ZSWIM8: variants seen among roughly 807,000 people sequenced by gnomAD.
The protein encoded by ZSWIM8 is zinc finger SWIM-type containing 8, also known as zinc finger SWIM domain-containing protein 8.
In ZSWIM8, 27 loss-of-function variants were observed where a neutral mutation model predicts 173.7. That is an observed-to-expected ratio of 0.16 (90% CI 0.11 to 0.21). The LOEUF (loss-of-function observed/expected upper bound fraction) is 0.21. ZSWIM8 is among the 10% of genes least tolerant of loss of function. The pLI is 1.00. For synonymous variants in ZSWIM8, 958 were observed against 962.0 expected (o/e 1.00, Z 0.08); for missense variants, 1,627 against 2,428.8 (o/e 0.67, Z 6.94).
At position 73,800,134 on chromosome 10, in the gene ZSWIM8, A is replaced by G. The variant is rs763108939; in HGVS notation, c.4789A>G (p.Thr1597Ala). The change falls in exon 22 of 26, where the codon ACA (threonine) becomes GCA (alanine). Residue 1597 changes from threonine (T) to alanine (A), a missense_variant. Coordinates refer to ENST00000604729, the MANE Select transcript of ZSWIM8 (RefSeq NM_001367799.1). The surrounding 1 kb of genome is among the most constrained non-coding windows in gnomAD (Gnocchi z 4.1). ...MAPITVHPYH[T>A]EPGLPLPTSV... ...ACCCATCACAGTACATCCCTACCAC[A>G]CAGAGCCAGGGCTTCCACTGCCCAC... 32 of 1,613,438 alleles carry G rather than the reference A, an allele frequency of 2.0e-5. No homozygotes were observed. The highest frequency in any genetic ancestry group is 2.7e-5 in the Non-Finnish European group (32 of 1,179,784).
chr10:73,801,309 C>T lies in ZSWIM8; in HGVS notation c.5302-7C>T, dbSNP rs1188677778. ...CTAAGGCTCATCCTGCACACATCCT[C>T]CTCCAGTACATCCACCACCGCTTGA... On this transcript the variant is annotated splice_region_variant and splice_polypyrimidine_tract_variant and intron_variant, in intron 25 of 25. Coordinates refer to ENST00000604729, the MANE Select transcript of ZSWIM8 (RefSeq NM_001367799.1). The surrounding 1 kb of genome is among the most constrained non-coding windows in gnomAD (Gnocchi z 4.9). 1.2e-6 allele frequency: 2 copies of T among 1,613,554 alleles called. No homozygotes were observed.
Position 73,801,236 on chromosome 10 carries a change from G to C in ZSWIM8, c.5301+41G>C. On this transcript the variant is annotated intron_variant, in intron 25 of 25. Coordinates refer to ENST00000604729, the MANE Select transcript of ZSWIM8 (RefSeq NM_001367799.1). The surrounding 1 kb of genome is among the most constrained non-coding windows in gnomAD (Gnocchi z 4.9). ...TATGGAGCAGGGTGGAGCACTTCCT[G>C]GGTGGTCTTGGACCAGAGGGAGGCA... 1 of 1,602,170 alleles carries C rather than the reference G, an allele frequency of 6.2e-7. No individual in the cohort carries two copies. The highest frequency in any genetic ancestry group is 1.1e-5 in the South Asian group (1 of 89,858).
rs764733695 is a variant in ZSWIM8, at chr10:73,792,356, G to A, written c.1817G>A (p.Arg606Gln). The A allele has an allele frequency of 8.1e-6, 13 of 1,611,232 alleles. No homozygotes were observed. Among genetic ancestry groups the A allele is most frequent in the Non-Finnish European group, 1.1e-5 (13 of 1,178,744 alleles). Residue 606 changes from arginine (R) to glutamine (Q), a missense_variant, in exon 10 of 26, where the codon CGG (arginine) becomes CAG (glutamine). Physicochemically the swap from Arg to Gln is conservative, Grantham distance 43. Coordinates refer to ENST00000604729, the MANE Select transcript of ZSWIM8 (RefSeq NM_001367799.1). This position sits in a 1 kb window ranked among gnomAD's most constrained non-coding sequence, Gnocchi z 4.3. ...TCAGCAGGTGGCGGAAGCAAGCGACGGCTGAGCAGCGAAGACAGCTCCCTG... is the reference window on the plus strand; with the variant it reads ...TCAGCAGGTGGCGGAAGCAAGCGACAGCTGAGCAGCGAAGACAGCTCCCTG... ...KGSAGGGSKR[R>Q]LSSEDSSLEP...
chr10:73,794,111 C>T (rs749354038), intron 12 of ZSWIM8, 36 bp from the exon 13 acceptor site: 1 of 1,611,994 alleles, frequency 6.2e-7, no homozygotes, highest in Non-Finnish European at 8.5e-7. Flanking sequence ...TCTCTATTGA[C>T]ACACCAGAGG....
rs1381180896 is a variant in ZSWIM8, at chr10:73,800,823, C to T, written c.5122+64C>T. 1 of 1,292,542 alleles carries T rather than the reference C, an allele frequency of 7.7e-7. No homozygotes were observed. Among genetic ancestry groups the T allele is most frequent in the Admixed American group, 2.1e-5 (1 of 46,744 alleles). The allele number at this position is 1,292,542 out of a possible 1,614,324, so 80.1% of individuals were successfully genotyped here. On this transcript the variant is annotated intron_variant, in intron 24 of 25. Coordinates refer to ENST00000604729, the MANE Select transcript of ZSWIM8 (RefSeq NM_001367799.1). The surrounding 1 kb of genome is among the most constrained non-coding windows in gnomAD (Gnocchi z 4.1). ...ACCTGCTCTCCCCACCTTCCTTATC[C>T]CAGACCTCCTTCCTAGCTCTTGCTC... is the stretch of plus-strand genomic sequence containing the variant.
chr10:73,800,416 A>G lies in ZSWIM8; in HGVS notation c.4946A>G (p.His1649Arg), dbSNP rs1438106165. Reference protein sequence around the residue: ...GGFPPPEEETHSQPVNPHSLH... With the variant: ...GGFPPPEEETRSQPVNPHSLH... ...TTTCCACCGCCCGAGGAGGAGACAC[A>G]CAGTCAGCCAGTCAATCCCCACAGC... Residue 1649 changes from histidine to arginine, a missense_variant, in exon 23 of 26, where the codon CAC (histidine) becomes CGC (arginine). By Grantham distance (29) the His-to-Arg change is conservative. Coordinates refer to ENST00000604729, the MANE Select transcript of ZSWIM8 (RefSeq NM_001367799.1). The surrounding 1 kb of genome is among the most constrained non-coding windows in gnomAD (Gnocchi z 4.1). 3.1e-6 allele frequency: 5 copies of G among 1,613,690 alleles called. No homozygotes were observed. The South Asian group carries it at 3.3e-5, about 11-fold the overall frequency.
At position 73,789,250 on chromosome 10, in the gene ZSWIM8, G is replaced by A. The variant is rs1311102967; in HGVS notation, c.457+60G>A. ...CTCCTCCCATCCCCTGGCTTATGAA[G>A]TAAGAACACACCGCAAGAAGCTGGA... On this transcript the variant is annotated intron_variant, in intron 3 of 25. Transcript: ENST00000604729. The surrounding 1 kb of genome is among the most constrained non-coding windows in gnomAD (Gnocchi z 6.8). 4 of 1,610,080 alleles carry A rather than the reference G, an allele frequency of 2.5e-6. No homozygotes were observed. The highest frequency in any genetic ancestry group is 3.4e-6 in the Non-Finnish European group (4 of 1,176,898).
chr10:73,789,252 A>G lies in ZSWIM8; in HGVS notation c.457+62A>G. 5 of 1,609,672 alleles carry G rather than the reference A, an allele frequency of 3.1e-6. No individual in the cohort carries two copies. Among genetic ancestry groups the G allele is most frequent in the Non-Finnish European group, 4.3e-6 (5 of 1,176,452 alleles). Reference sequence around the variant, plus strand: ...CCTCCCATCCCCTGGCTTATGAAGTAAGAACACACCGCAAGAAGCTGGAGC... The same window carrying G: ...CCTCCCATCCCCTGGCTTATGAAGTGAGAACACACCGCAAGAAGCTGGAGC... On this transcript the variant is annotated intron_variant, in intron 3 of 25. Coordinates refer to ENST00000604729, the MANE Select transcript of ZSWIM8 (RefSeq NM_001367799.1). This position sits in a 1 kb window ranked among gnomAD's most constrained non-coding sequence, Gnocchi z 6.8.
In ZSWIM8 at chr10:73,786,089, G is replaced by T. The variant is rs1294526030; in HGVS notation, c.208+3G>T. ...CAGTGGCGGTACCAGAATGCGAGGTGAGAGTGAGCTGGGGGGAAGAGGAGC... is the reference window on the plus strand; with the variant it reads ...CAGTGGCGGTACCAGAATGCGAGGTTAGAGTGAGCTGGGGGGAAGAGGAGC... On this transcript the variant is annotated splice_donor_region_variant and intron_variant, in intron 1 of 25. Coordinates refer to ENST00000604729, the MANE Select transcript of ZSWIM8 (RefSeq NM_001367799.1). The T allele has an allele frequency of 3.2e-6, 5 of 1,564,044 alleles. No homozygotes were observed. The highest frequency in any genetic ancestry group is 4.3e-6 in the Non-Finnish European group (5 of 1,152,864).
intron 15 of ZSWIM8, among the ~76,000 whole-genome samples, chr10:73,796,166 T>C (rs893087827): frequency 5.3e-5 from 8 of 151,082 alleles, no homozygotes; most frequent in Non-Finnish European, 1.0e-4. Flanking sequence ...CTGGCCAACA[T>C]AGTGAGACCC....
rs1385464101 is a variant in ZSWIM8, at chr10:73,791,415, C to T, written c.1235C>T (p.Ala412Val). ...CGTAGCAACGGGCAGTCAGAGGTGG[C>T]AGCCCATGCCTGTGCCAGCATGTGT... is the stretch of plus-strand genomic sequence containing the variant. ...TGRSNGQSEV[A>V]AHACASMCDE... The change falls in exon 9 of 26, where the codon GCA becomes GTA. Residue 412 changes from alanine (A) to valine (V), a missense_variant. By Grantham distance (64) the Ala-to-Val change is moderately conservative (BLOSUM62 0). This residue lies in a region of ZSWIM8 where 103 missense variants were observed against 155.6 expected (regional missense o/e 0.66). Transcript: ENST00000604729. This position sits in a 1 kb window ranked among gnomAD's most constrained non-coding sequence, Gnocchi z 6.0. The T allele has an allele frequency of 1.2e-6, 2 of 1,613,940 alleles. No homozygotes were observed. Among genetic ancestry groups the T allele is most frequent in the Non-Finnish European group, 1.7e-6 (2 of 1,179,818 alleles).
rs759110314 is a variant in ZSWIM8 at position 73,788,628 on chromosome 10, T to A, written c.209-42T>A. On this transcript the variant is annotated intron_variant, in intron 1 of 25. Transcript: ENST00000604729. ...GCCAAGAGACCATGGCCCTTTTCAT[T>A]TCCTATTCTCTTTCCCCTGATCCCA... The A allele has an allele frequency of 5.6e-6, 9 of 1,606,562 alleles. No individual in the cohort carries two copies. The South Asian group carries it at 1.0e-4, about 18-fold the overall frequency.
At chr10:73,793,550 G>C in intron 10 of ZSWIM8, 38 bp from the exon 11 acceptor site, 1 of 1,532,810 alleles carries the variant, frequency 6.5e-7, no homozygotes, top group Non-Finnish European at 8.8e-7. Flanking sequence ...CCTGGAAGTT[G>C]GGACTTTAAC....
chr10:73,799,540 T>G, intron 21 of ZSWIM8, 50 bp downstream of exon 21: 1 of 1,572,544 alleles, frequency 6.4e-7, no homozygotes, highest in Non-Finnish European at 8.6e-7. Context: ...ATACTGGGAA[T>G]TCATAGGGGG....
intron 21 of ZSWIM8, 195 bp downstream of exon 21, chr10:73,799,685 C>CT (rs1486768899): frequency 2.6e-6 from 2 of 775,976 alleles, no homozygotes; most frequent in Non-Finnish European, 2.1e-6. Flanking sequence ...AATCCCAGCA[C>CT]TTTGAGAGGC....
At chr10:73,786,347 CGCGCGCGCGCGT>C (rs920524788) in intron 1 of ZSWIM8, 71 of 273,254 alleles carry the variant, frequency 2.6e-4, no homozygotes, top group South Asian at 4.1e-4. Flanking sequence ...TGTGTGTGTG[CGCGCGCGCGCGT>C]GCGCGCGCTG....
chr10:73,797,642 C>T lies in ZSWIM8; in HGVS notation c.3662+37C>T. On this transcript the variant is annotated intron_variant, in intron 18 of 25. Coordinates refer to ENST00000604729, the MANE Select transcript of ZSWIM8 (RefSeq NM_001367799.1). This position sits in a 1 kb window ranked among gnomAD's most constrained non-coding sequence, Gnocchi z 5.6. ...GAACTCCCCATCTTCCCTGATCTGG[C>T]CCACCCTCAGAGCCACACCCCTAGT... 4 of 1,605,746 alleles carry T rather than the reference C, an allele frequency of 2.5e-6. No individual in the cohort carries two copies. The highest frequency in any genetic ancestry group is 3.4e-6 in the Non-Finnish European group (4 of 1,174,624).
At chr10:73,795,438 C>T (rs2083595470) in intron 14 of ZSWIM8, 101 bp from the exon 15 acceptor site, 1 of 1,551,438 alleles carries the variant, frequency 6.4e-7, no homozygotes, top group Non-Finnish European at 8.7e-7. Context: ...AAGGGAACCC[C>T]TTACTTCATA....
chr10:73,787,171 C>T (rs936940835), intron 1 of ZSWIM8, among the ~76,000 whole-genome samples: 7 of 152,048 alleles, frequency 4.6e-5, no homozygotes, highest in Admixed American at 1.3e-4. Flanking sequence ...CTTGAACTCC[C>T]GACCTTAGGT....
Sources: allele counts gnomAD v4.1 joint callset (sites outside exome capture counted in the v4.1 genomes callset), GRCh38; gene constraint gnomAD v4.1.1; regional missense constraint gnomAD v4.1.1; non-coding constraint Gnocchi (gnomAD v3.1); transcripts MANE v1.5; gene names NCBI Gene and HGNC (gene_info 2026-07-23, HGNC 2026-07-21).